The following ST6GALNAC3 variants were observed in gnomAD, a reference collection of about 807,000 sequenced individuals.
The protein encoded by ST6GALNAC3 is alpha-N-acetylgalactosaminide alpha-2,6-sialyltransferase 3.
Under a neutral mutation model 32.7 loss-of-function variants are expected in ST6GALNAC3, and 25 were observed. The observed-to-expected ratio is 0.76, with a 90% CI of 0.56 to 1.07. ST6GALNAC3 has a LOEUF of 1.07. Among genes scored for constraint, ST6GALNAC3 ranks in the 50% least tolerant of loss-of-function variants. ST6GALNAC3 has a pLI of 0.00. For synonymous variants in ST6GALNAC3, 129 were observed against 133.1 expected (o/e 0.97, Z 0.21); for missense variants, 355 against 382.4 (o/e 0.93, Z 0.60).
At chr1:76,441,365 A>G (rs1656591356) in intron 3 of ST6GALNAC3, among the ~76,000 whole-genome samples, 1 of 152,186 alleles carries the variant, frequency 6.6e-6, no homozygotes, top group Non-Finnish European at 1.5e-5. Flanking sequence ...ATTTTACAAT[A>G]AGGCAAGTGA....
At chr1:76,407,088 T>C (rs1653887547) in intron 2 of ST6GALNAC3, among the ~76,000 whole-genome samples, 1 of 152,048 alleles carries the variant, frequency 6.6e-6, no homozygotes, top group South Asian at 2.1e-4. Flanking sequence ...AAGTCATTTT[T>C]TCCTGTAAGG....
intron 1 of ST6GALNAC3, among the ~76,000 whole-genome samples, chr1:76,232,699 C>G (rs74377133): frequency 6.6e-6 from 1 of 152,360 alleles, no homozygotes; most frequent in East Asian, 1.9e-4. Context: ...TGCTGGATGA[C>G]TGTTGTTTCT....
At chr1:76,381,009 T>C (rs10873882) in intron 2 of ST6GALNAC3, among the ~76,000 whole-genome samples, 149,776 of 152,104 alleles carry the variant, frequency 0.98, 73,793 homozygotes, top group Middle Eastern at 1. Flanking sequence ...TGATTGGCTC[T>C]AGGAGTGTGT....
chr1:76,428,932 G>A (rs1319158927), intron 3 of ST6GALNAC3, among the ~76,000 whole-genome samples: 5 of 152,074 alleles, frequency 3.3e-5, no homozygotes, highest in Non-Finnish European at 7.4e-5. Flanking sequence ...GTTTTGAAAT[G>A]TAACCATCAG....
intron 1 of ST6GALNAC3, among the ~76,000 whole-genome samples, chr1:76,299,527 G>T (rs964692273): frequency 6.6e-6 from 1 of 151,944 alleles, no homozygotes; most frequent in Non-Finnish European, 1.5e-5. Context: ...TCAGTCACTG[G>T]GGCCTAATTC....
At chr1:76,475,854 C>G (rs1659316433) in intron 3 of ST6GALNAC3, among the ~76,000 whole-genome samples, 2 of 152,132 alleles carry the variant, frequency 1.3e-5, no homozygotes, top group South Asian at 4.1e-4. Context: ...TCCCTTAGCC[C>G]CCAGCCCCCG....
intron 1 of ST6GALNAC3, among the ~76,000 whole-genome samples, chr1:76,257,100 A>G (rs1373705296): frequency 6.6e-6 from 1 of 152,166 alleles, no homozygotes; most frequent in Non-Finnish European, 1.5e-5. Context: ...GAGATACTGC[A>G]TCATAGTGTC....
intron 3 of ST6GALNAC3, among the ~76,000 whole-genome samples, chr1:76,432,378 AAAAT>A: frequency 6.6e-6 from 1 of 152,104 alleles, no homozygotes; most frequent in South Asian, 2.1e-4. Flanking sequence ...TTGGGCAAAA[AAAAT>A]GTTTTATGTT....
At chr1:76,211,056 T>C (rs1008264385) in intron 1 of ST6GALNAC3, among the ~76,000 whole-genome samples, 14 of 152,200 alleles carry the variant, frequency 9.2e-5, no homozygotes, top group Non-Finnish European at 1.8e-4. Flanking sequence ...CACTGGTCCA[T>C]TGGATTAGGG....
intron 1 of ST6GALNAC3, among the ~76,000 whole-genome samples, chr1:76,249,940 T>C (rs1350745238): frequency 6.6e-6 from 1 of 152,216 alleles, no homozygotes; most frequent in African/African-American, 2.4e-5. Context: ...TGTTCATTTT[T>C]GAGTTGTTTG....
chr1:76,215,386 T>G (rs1655396223), intron 1 of ST6GALNAC3, among the ~76,000 whole-genome samples: 1 of 152,084 alleles, frequency 6.6e-6, no homozygotes, highest in South Asian at 2.1e-4. Context: ...GTATGCAGAG[T>G]AGCACATCAG....
intron 3 of ST6GALNAC3, among the ~76,000 whole-genome samples, chr1:76,419,298 T>G (rs1159284879): frequency 6.6e-6 from 1 of 151,886 alleles, no homozygotes; most frequent in Non-Finnish European, 1.5e-5. Context: ...TTATACTGTA[T>G]AGAAAAAAAA....
chr1:76,112,922 T>A (rs1648163222), intron 1 of ST6GALNAC3, among the ~76,000 whole-genome samples: 1 of 150,730 alleles, frequency 6.6e-6, no homozygotes, highest in African/African-American at 2.4e-5. Flanking sequence ...TGCTCCTCAC[T>A]TCCCAGACGG....
intron 3 of ST6GALNAC3, among the ~76,000 whole-genome samples, chr1:76,508,890 C>T (rs1165493290): frequency 6.6e-6 from 1 of 152,092 alleles, no homozygotes; most frequent in Non-Finnish European, 1.5e-5. Flanking sequence ...AATTTTTTGT[C>T]ACATCAAAGT....
chr1:76,228,741 A>G (rs1000396183), intron 1 of ST6GALNAC3, among the ~76,000 whole-genome samples: 4 of 152,218 alleles, frequency 2.6e-5, no homozygotes, highest in Non-Finnish European at 5.9e-5. Flanking sequence ...CTGTCAGAAA[A>G]CATAAAGTGT....
At position 76,118,693 on chromosome 1, in the gene ST6GALNAC3, T is replaced by A. The variant is rs573717288; in HGVS notation, c.18+43809T>A. ...TAGAGACTTTTACAAACCCCCAAACTTGTGGATATGGAAATGCTTATATAC... is the reference window on the plus strand; with the variant it reads ...TAGAGACTTTTACAAACCCCCAAACATGTGGATATGGAAATGCTTATATAC... On this transcript the variant is annotated intron_variant, in intron 1 of 4. Transcript: ENST00000328299. Among the ~76,000 whole-genome samples the A allele has an allele frequency of 5.9e-5, 9 of 152,322 alleles. No homozygotes were observed. The East Asian group carries it at 1.5e-3, about 26-fold the overall frequency.
At chr1:76,244,736 G>A (rs114738498) in intron 1 of ST6GALNAC3, among the ~76,000 whole-genome samples, 7,533 of 152,108 alleles carry the variant, frequency 0.05, 217 homozygotes, top group Non-Finnish European at 0.064. Context: ...TTTATGTGAT[G>A]GAATACGTTT....
At chr1:76,294,553 C>T (rs186238799) in intron 1 of ST6GALNAC3, among the ~76,000 whole-genome samples, 6 of 152,004 alleles carry the variant, frequency 3.9e-5, no homozygotes, top group Admixed American at 6.6e-5. Context: ...TTAACCTGCC[C>T]GGAATAAAAC....
intron 3 of ST6GALNAC3, among the ~76,000 whole-genome samples, chr1:76,421,538 T>A (rs114202070): frequency 6.6e-6 from 1 of 151,956 alleles, no homozygotes; most frequent in African/African-American, 2.4e-5. Context: ...AGGAGGCAAA[T>A]ATAAGCACCA....
Sources: gnomAD v4.1 joint callset for allele counts (sites outside exome capture counted in the v4.1 genomes callset) on GRCh38, gnomAD v4.1.1 for gene constraint, MANE v1.5 for transcripts, NCBI Gene and HGNC (gene_info 2026-07-23, HGNC 2026-07-21) for gene names.